The following CDHR5 variants were observed in gnomAD, a reference collection of about 807,000 sequenced individuals.
The protein encoded by CDHR5 is cadherin-related family member 5.
A neutral mutation model predicts 69.5 loss-of-function variants in CDHR5; 82 were observed. The ratio of observed to expected loss-of-function variants is 1.18; its 90% confidence interval spans 0.99 to 1.42. CDHR5 has a LOEUF of 1.42. CDHR5 is among the 40% of genes most tolerant of loss of function. CDHR5 has a pLI of 0.00. For synonymous variants in CDHR5, 601 were observed against 510.2 expected, an observed-to-expected ratio of 1.18 and a Z score of -2.40; for missense variants, 1,293 against 1,168.9, an observed-to-expected ratio of 1.11 and a Z score of -1.55.
rs573546593 is a variant in CDHR5, at chr11:621,961, C to G, written c.313-57G>C. 7.3e-7 allele frequency: 1 copy of G among 1,372,388 alleles called. No homozygotes were observed. Among genetic ancestry groups the G allele is most frequent in the Admixed American group, 1.8e-5 (1 of 55,206 alleles). 85.0% of individuals were successfully genotyped at this position (1,372,388 alleles called of 1,614,324 possible). On this transcript the variant is annotated intron_variant, in intron 3 of 14. Transcript: ENST00000397542. The surrounding 1 kb of genome is among the most constrained non-coding windows in gnomAD (Gnocchi z 4.4). ...GCCCCTCCCCGTTGTGAGGTGCACCCCTCGACGGCTATCCGTCCCCACCGT... is the reference window on the plus strand; with the variant it reads ...GCCCCTCCCCGTTGTGAGGTGCACCGCTCGACGGCTATCCGTCCCCACCGT...
At position 620,360 on chromosome 11, in the gene CDHR5, T is replaced by C. The variant is rs1406192644; in HGVS notation, c.816A>G (p.Gly272=). The C allele has an allele frequency of 6.8e-6, 11 of 1,610,314 alleles. No individual in the cohort carries two copies. The highest frequency in any genetic ancestry group is 9.3e-6 in the Non-Finnish European group (11 of 1,177,812). ...GGTCTCCGTCCTCAGCGTAGATGGG[T>C]CCGGGACGCAGGACGAGGGGAGATG... ...ILPSPLVLRP[G]PIYAEDGDRG... is the part of the protein sequence containing the mutation. The change falls in exon 8 of 15, where the codon GGA becomes GGG. Residue 272 remains glycine, a synonymous_variant. Coordinates refer to ENST00000397542, the MANE Select transcript of CDHR5 (RefSeq NM_021924.5).
chr11:617,226 CCG>C lies in CDHR5; in HGVS notation c.*123_*124del. The C allele has an allele frequency of 1.4e-6, 1 of 721,676 alleles. No homozygotes were observed. The allele number at this position is 721,676 out of a possible 1,614,324, so 44.7% of individuals were successfully genotyped here. A position where few individuals can be genotyped will look rare whatever the true frequency, so the allele number is the denominator to read the frequency against. On this transcript the variant is annotated 3_prime_UTR_variant, in exon 15 of 15. Transcript: ENST00000397542. ...CTGAGTGAATGGGACCCCCATGGAC[CCG>C]CGCGCCTGCCCCACGCCATGGCCTG...
In CDHR5 at chr11:619,059, T is replaced by C. The variant is rs752534436; in HGVS notation, c.1500A>G (p.Thr500=). ...GPSTTSSGGG[T]GPHPPSGTTL... ...TTGTGCCAGAGGGTGGATGAGGGCCTGTGCCTCCCCCAGAGCTGGTCGTGG... is the reference window on the plus strand; with the variant it reads ...TTGTGCCAGAGGGTGGATGAGGGCCCGTGCCTCCCCCAGAGCTGGTCGTGG... Residue 500 remains threonine (T), a synonymous_variant, in exon 13 of 15, where the codon ACA becomes ACG. Coordinates refer to ENST00000397542, the MANE Select transcript of CDHR5 (RefSeq NM_021924.5). 6.2e-7 allele frequency: 1 copy of C among 1,612,966 alleles called. No homozygotes were observed. Among genetic ancestry groups the C allele is most frequent in the South Asian group, 1.1e-5 (1 of 91,068 alleles).
chr11:620,010 G>T, intron 9 of CDHR5, 57 bp downstream of exon 9: 3 of 335,454 alleles, frequency 8.9e-6, no homozygotes, highest in Non-Finnish European at 1.6e-5. Flanking sequence ...CTGACCCCCC[G>T]CCCTACCTTC....
Position 624,659 on chromosome 11 carries a change from G to T in CDHR5, c.159C>A (p.His53Gln). The T allele has an allele frequency of 6.2e-7, 1 of 1,613,612 alleles. No homozygotes were observed. Among genetic ancestry groups the T allele is most frequent in the South Asian group, 1.1e-5 (1 of 91,032 alleles). Residue 53 changes from histidine (H) to glutamine (Q), a missense_variant, in exon 2 of 15, where the codon CAC becomes CAA. Coordinates refer to ENST00000397542, the MANE Select transcript of CDHR5 (RefSeq NM_021924.5). The surrounding 1 kb of genome is among the most constrained non-coding windows in gnomAD (Gnocchi z 5.3). ...TNVTEPLVDI[H>Q]VPEGQEVTLG... ...GGGTCACCTCCTGGCCCTCCGGGAC[G>T]TGGATGTCCACCAGCGGCTCGGTGA... is the stretch of plus-strand genomic sequence containing the variant.
chr11:620,395 A>C lies in CDHR5; in HGVS notation c.790-9T>G, dbSNP rs1381992878. On this transcript the variant is annotated splice_polypyrimidine_tract_variant and intron_variant, in intron 7 of 14. Transcript: ENST00000397542. ...AGGACGAGGGGAGATGGCTTCAGGG[A>C]TGGCGGAAGGGAGGGCACGTCGTGG... The C allele has an allele frequency of 6.3e-7, 1 of 1,588,414 alleles. No individual in the cohort carries two copies. The highest frequency in any genetic ancestry group is 8.6e-7 in the Non-Finnish European group (1 of 1,162,468).
In CDHR5 at chr11:624,151, C is replaced by A; in HGVS notation, c.312+62G>T. 1 of 648,980 alleles carries A rather than the reference C, an allele frequency of 1.5e-6. No homozygotes were observed. The allele number at this position is 648,980 out of a possible 1,614,324, so 40.2% of individuals were successfully genotyped here. ...ACGTCATCAAAGACTGGTCCTGGAC[C>A]GGCAGGGCAGAGCCCAGCAGAGGTG... is the stretch of plus-strand genomic sequence containing the variant. On this transcript the variant is annotated intron_variant, in intron 3 of 14. Coordinates refer to ENST00000397542, the MANE Select transcript of CDHR5 (RefSeq NM_021924.5). The surrounding 1 kb of genome is among the most constrained non-coding windows in gnomAD (Gnocchi z 5.3).
chr11:618,376 A>G (rs1857112835), intron 13 of CDHR5, among the ~76,000 whole-genome samples: 1 of 152,154 alleles, frequency 6.6e-6, no homozygotes, highest in African/African-American at 2.4e-5. Context: ...AGCCGTGGGA[A>G]TCGTGGGATT....
rs776332215 is a variant in CDHR5, at chr11:619,131, G to T, written c.1428C>A (p.Ser476Arg). The T allele has an allele frequency of 6.3e-6, 10 of 1,589,012 alleles. No homozygotes were observed. The highest frequency in any genetic ancestry group is 7.7e-6 in the Non-Finnish European group (9 of 1,169,532). ...GGGGTCTGGGGACCTCGGAAGTGGT[G>T]CTGGTCCAGGGCCCAGTTGTTCCTC... ...EAGGTTGPWTSTTSEVPRPPE... is the reference protein window; with the variant it reads ...EAGGTTGPWTRTTSEVPRPPE... The change falls in exon 13 of 15, where the codon AGC (serine) becomes AGA (arginine). Residue 476 changes from serine to arginine, a missense_variant. Ser to Arg is a moderately radical substitution (Grantham distance 110). Coordinates refer to ENST00000397542, the MANE Select transcript of CDHR5 (RefSeq NM_021924.5).
Position 618,065 on chromosome 11 carries a change from C to T in CDHR5, c.2007G>A (p.Ala669=), listed in dbSNP as rs550968529. Residue 669 remains alanine (A), a synonymous_variant, in exon 14 of 15, where the codon GCG becomes GCA. Transcript: ENST00000397542. ...EDKRFSVVDM[A]ALGGVLGALL... ...GCGCACCCAGCACCCCGCCCAGGGC[C>T]GCCATATCCACCACCGAGAAGCGCT... The T allele has an allele frequency of 8.1e-6, 13 of 1,607,870 alleles. No homozygotes were observed. Among genetic ancestry groups the T allele is most frequent in the South Asian group, 5.5e-5 (5 of 90,774 alleles).
In CDHR5 at chr11:617,362, A is replaced by G; in HGVS notation, c.2527T>C (p.Ser843Pro). 6.2e-7 allele frequency: 1 copy of G among 1,603,780 alleles called. No individual in the cohort carries two copies. The highest frequency in any genetic ancestry group is 1.1e-5 in the South Asian group (1 of 90,568). Residue 843 changes from serine to proline, a missense_variant, in exon 15 of 15, where the codon TCC becomes CCC. By Grantham distance (74) the Ser-to-Pro change is moderately conservative (BLOSUM62 -1). Coordinates refer to ENST00000397542, the MANE Select transcript of CDHR5 (RefSeq NM_021924.5). ...GGTGGAGGGGCCACTTAGATGTAGG[A>G]GTCATCACCACCGGGCGCATCGTAG... Reference protein sequence around the residue: ...GPYDAPGGDDSYI With the variant: ...GPYDAPGGDDPYI
rs1056816141 is a variant in CDHR5 at position 619,519 on chromosome 11, C to G, written c.1248G>C (p.Val416=). The G allele has an allele frequency of 2.5e-5, 41 of 1,614,028 alleles. No homozygotes were observed. The highest frequency in any genetic ancestry group is 3.4e-5 in the Non-Finnish European group (40 of 1,179,952). ...CCTGTGCCAGTGTGGTGGTGGTCAGCACAACCTCTCCCTCCATCCGGAAGT... is the reference window on the plus strand; with the variant it reads ...CCTGTGCCAGTGTGGTGGTGGTCAGGACAACCTCTCCCTCCATCCGGAAGT... ...HSHFRMEGEV[V]LTTTTLAQAG... is the part of the protein sequence containing the mutation. The change falls in exon 11 of 15, where the codon GTG becomes GTC. Residue 416 remains valine, a synonymous_variant. Coordinates refer to ENST00000397542, the MANE Select transcript of CDHR5 (RefSeq NM_021924.5).
Position 621,633 on chromosome 11 carries a change from C to G in CDHR5, c.436G>C (p.Glu146Gln). 1 of 1,613,684 alleles carries G rather than the reference C, an allele frequency of 6.2e-7. No homozygotes were observed. Among genetic ancestry groups the G allele is most frequent in the Non-Finnish European group, 8.5e-7 (1 of 1,179,752 alleles). The change falls in exon 5 of 15, where the codon GAG (glutamate) becomes CAG (glutamine). Residue 146 changes from glutamate (E) to glutamine (Q), a missense_variant. Physicochemically the swap from Glu to Gln is conservative, Grantham distance 29. Transcript: ENST00000397542. This position sits in a 1 kb window ranked among gnomAD's most constrained non-coding sequence, Gnocchi z 4.4. ...CGGTCCTCAGCCTGCAGTTGCGTCT[C>G]GGGGATGACGGTGGAGTTCACTTTC... ...DTKVNSTVIPETQLQAEDRDK... is the reference protein window; with the variant it reads ...DTKVNSTVIPQTQLQAEDRDK...
intron 7 of CDHR5, 123 bp from the exon 8 acceptor site, chr11:620,509 G>A (rs549485061): frequency 2.5e-5 from 16 of 641,526 alleles, no homozygotes; most frequent in African/African-American, 7.3e-5. Context: ...GCTGGTGGCC[G>A]GGCGTCCCTG....
Position 621,801 on chromosome 11 carries a change from G to C in CDHR5, c.405+11C>G, listed in dbSNP as rs375990653. ...CCCCGTGCCCAGTCCCCGCGGCTTC[G>C]CTGGCCTCACCTCCTCCACCCTTAT... On this transcript the variant is annotated intron_variant, in intron 4 of 14. Coordinates refer to ENST00000397542, the MANE Select transcript of CDHR5 (RefSeq NM_021924.5). The surrounding 1 kb of genome is among the most constrained non-coding windows in gnomAD (Gnocchi z 4.4). 1 of 1,609,872 alleles carries C rather than the reference G, an allele frequency of 6.2e-7. No individual in the cohort carries two copies. The highest frequency in any genetic ancestry group is 1.3e-5 in the African/African-American group (1 of 74,950).
At chr11:619,968 C>T in intron 9 of CDHR5, 87 bp from the exon 10 acceptor site, 1 of 1,418,326 alleles carries the variant, frequency 7.1e-7, no homozygotes, top group Non-Finnish European at 9.5e-7. Flanking sequence ...CAGGTGCAGA[C>T]TTGGCGGGGG....
Position 620,367 on chromosome 11 carries a change from C to T in CDHR5, c.809G>A (p.Arg270His), listed in dbSNP as rs776973907. The T allele has an allele frequency of 2.0e-5, 32 of 1,609,552 alleles. No homozygotes were observed. The highest frequency in any genetic ancestry group is 5.5e-5 in the South Asian group (5 of 90,662). ...GHILPSPLVL[R>H]PGPIYAEDGD... ...GTCCTCAGCGTAGATGGGTCCGGGA[C>T]GCAGGACGAGGGGAGATGGCTTCAG... Residue 270 changes from arginine (R) to histidine (H), a missense_variant, in exon 8 of 15, where the codon CGT becomes CAT. Arg to His is a conservative substitution (Grantham distance 29). Transcript: ENST00000397542.
In CDHR5 at chr11:620,062, C is replaced by T. The variant is rs1857276407; in HGVS notation, c.978+5G>A. 3 of 1,604,132 alleles carry T rather than the reference C, an allele frequency of 1.9e-6. No homozygotes were observed. Among genetic ancestry groups the T allele is most frequent in the Non-Finnish European group, 2.6e-6 (3 of 1,174,066 alleles). ...CCCTGCCCCCCATGCAGGTGCCCACCTCACCTTCACCAGCAGAAGGAAGGT... is the reference window on the plus strand; with the variant it reads ...CCCTGCCCCCCATGCAGGTGCCCACTTCACCTTCACCAGCAGAAGGAAGGT... On this transcript the variant is annotated splice_donor_5th_base_variant and intron_variant, in intron 9 of 14. Transcript: ENST00000397542.
chr11:621,262 G>A lies in CDHR5; in HGVS notation c.619-12C>T, dbSNP rs755348793. The A allele has an allele frequency of 2.2e-5, 36 of 1,604,220 alleles. No individual in the cohort carries two copies. The highest frequency in any genetic ancestry group is 1.4e-4 in the South Asian group (13 of 90,168). Reference sequence around the variant, plus strand: ...TCCCCCGGAGTGTCCTGCAACAGACGGCTGTGCTGGATCAGGCCTGGGAGC... The same window carrying A: ...TCCCCCGGAGTGTCCTGCAACAGACAGCTGTGCTGGATCAGGCCTGGGAGC... On this transcript the variant is annotated splice_polypyrimidine_tract_variant and intron_variant, in intron 6 of 14. Transcript: ENST00000397542. This position sits in a 1 kb window ranked among gnomAD's most constrained non-coding sequence, Gnocchi z 4.4.
Sources: allele counts gnomAD v4.1 joint callset (sites outside exome capture counted in the v4.1 genomes callset), GRCh38; gene constraint gnomAD v4.1.1; non-coding constraint Gnocchi (gnomAD v3.1); transcripts MANE v1.5; gene names NCBI Gene and HGNC (gene_info 2026-07-23, HGNC 2026-07-21).